KANK1: variants seen among roughly 807,000 people sequenced by gnomAD.
KANK1 encodes the protein KN motif and ankyrin repeat domains 1, also known as KN motif and ankyrin repeat domain-containing protein 1.
A neutral mutation model predicts 106.2 loss-of-function variants in KANK1; 109 were observed. The observed-to-expected ratio is 1.03, with a 90% CI of 0.88 to 1.20. The LOEUF (loss-of-function observed/expected upper bound fraction) is 1.20. KANK1 is among the 50% of genes most tolerant of loss of function. The pLI is 0.00. For missense variants in KANK1, 2,399 were observed against 1,710.7 expected (o/e 1.40, Z -7.10); for synonymous variants, 873 against 652.2 (o/e 1.34, Z -5.16).
intron 1 of KANK1, among the ~76,000 whole-genome samples, chr9:651,324 C>T (rs1462775923): frequency 6.6e-6 from 1 of 152,058 alleles, no homozygotes; most frequent in East Asian, 1.9e-4. Flanking sequence ...TGTTTCATTG[C>T]TTCAAAATTC....
intron 2 of KANK1, among the ~76,000 whole-genome samples, chr9:702,146 C>G (rs529571725): frequency 2.0e-5 from 3 of 152,260 alleles, no homozygotes; most frequent in East Asian, 3.9e-4. Flanking sequence ...TTGGTTACCC[C>G]AAATTGCAGA....
At chr9:596,508 A>C (rs1826250381) in intron 1 of KANK1, among the ~76,000 whole-genome samples, 1 of 151,748 alleles carries the variant, frequency 6.6e-6, no homozygotes, top group African/African-American at 2.4e-5. Context: ...TCACGGAGCC[A>C]GTGATTATTT....
At chr9:601,652 G>C (rs888402644) in intron 1 of KANK1, among the ~76,000 whole-genome samples, 1 of 151,810 alleles carries the variant, frequency 6.6e-6, no homozygotes, top group Non-Finnish European at 1.5e-5. Flanking sequence ...CATTCTGTGG[G>C]TTATAACCCA....
At chr9:668,616 G>T (rs1251746743) in intron 1 of KANK1, among the ~76,000 whole-genome samples, 4 of 151,636 alleles carry the variant, frequency 2.6e-5, no homozygotes, top group South Asian at 4.2e-4. Context: ...ATTTGTTGGG[G>T]TTTTTTTTAG....
chr9:658,435 A>G (rs34137626), intron 1 of KANK1, among the ~76,000 whole-genome samples: 9 of 152,014 alleles, frequency 5.9e-5, no homozygotes, highest in Admixed American at 2.0e-4. Context: ...AAATATATGG[A>G]GCTCTTTCTG....
intron 1 of KANK1, 118 bp from the exon 2 acceptor site, chr9:676,771 CT>C: frequency 2.0e-6 from 1 of 511,706 alleles, no homozygotes; most frequent in Non-Finnish European, 3.5e-6. Context: ...TATAGTCTTT[CT>C]CCCCCCATTC....
chr9:706,213 T>C (rs1349189661), intron 2 of KANK1, among the ~76,000 whole-genome samples: 1 of 152,204 alleles, frequency 6.6e-6, no homozygotes. Context: ...GTAGCCTGGT[T>C]TGAGCAGTAT....
chr9:512,154 T>G (rs2059057486), intron 1 of KANK1, among the ~76,000 whole-genome samples: 1 of 152,172 alleles, frequency 6.6e-6, no homozygotes, highest in African/African-American at 2.4e-5. Flanking sequence ...GCATGGTGGC[T>G]CCAGGTAGTT....
At chr9:575,151 A>G (rs1684441154) in intron 1 of KANK1, among the ~76,000 whole-genome samples, 1 of 152,238 alleles carries the variant, frequency 6.6e-6, no homozygotes, top group African/African-American at 2.4e-5. Flanking sequence ...AAAGCAGTGA[A>G]CAATATTCTC....
intron 1 of KANK1, among the ~76,000 whole-genome samples, chr9:637,494 T>C (rs1046718608): frequency 6.6e-6 from 1 of 152,186 alleles, no homozygotes; most frequent in Non-Finnish European, 1.5e-5. Context: ...TCACTTGGGG[T>C]ACTTAACTCA....
At chr9:566,145 C>T (rs1033979317) in intron 1 of KANK1, among the ~76,000 whole-genome samples, 1 of 152,156 alleles carries the variant, frequency 6.6e-6, no homozygotes, top group Non-Finnish European at 1.5e-5. Context: ...CGTTAGTTTG[C>T]TGTGGGTGAT....
chr9:640,338 C>T (rs775771383), intron 1 of KANK1, among the ~76,000 whole-genome samples: 17 of 151,976 alleles, frequency 1.1e-4, no homozygotes, highest in East Asian at 9.7e-4. Context: ...TGGGTTCAGG[C>T]GATTCTCCTG....
At chr9:517,698 C>G (rs2059348617) in intron 1 of KANK1, among the ~76,000 whole-genome samples, 1 of 149,692 alleles carries the variant, frequency 6.7e-6, no homozygotes, top group Non-Finnish European at 1.5e-5. Context: ...CGGTGGGTCA[C>G]CTTTTGAGGT....
intron 3 of KANK1, among the ~76,000 whole-genome samples, chr9:720,947 G>C (rs1462259199): frequency 1.3e-5 from 2 of 152,190 alleles, no homozygotes; most frequent in Non-Finnish European, 2.9e-5. Context: ...TGAAACTAGA[G>C]GGGAGTCTAA....
At chr9:621,854 C>T (rs368033532) in intron 1 of KANK1, among the ~76,000 whole-genome samples, 34 of 152,196 alleles carry the variant, frequency 2.2e-4, no homozygotes, top group East Asian at 1.5e-3. Context: ...TTGCCCTCGC[C>T]GGTGGAAGGG....
chr9:617,928 A>T (rs1041514669), intron 1 of KANK1, among the ~76,000 whole-genome samples: 5 of 152,170 alleles, frequency 3.3e-5, no homozygotes, highest in African/African-American at 1.2e-4. Flanking sequence ...GGAGGATGAC[A>T]TGAATCCTGA....
At chr9:546,740 A>T (rs2133974717) in intron 1 of KANK1, among the ~76,000 whole-genome samples, 1 of 149,826 alleles carries the variant, frequency 6.7e-6, no homozygotes, top group East Asian at 2.0e-4. Context: ...GGCACACTGT[A>T]AAACATCTGT....
chr9:708,456 C>G (rs1187276774), intron 2 of KANK1, among the ~76,000 whole-genome samples: 5 of 152,238 alleles, frequency 3.3e-5, no homozygotes, highest in African/African-American at 1.2e-4. Context: ...CTGCTGGGCA[C>G]TTCTTTCACA....
At chr9:596,126 G>A (rs980163536) in intron 1 of KANK1, among the ~76,000 whole-genome samples, 5 of 151,764 alleles carry the variant, frequency 3.3e-5, no homozygotes, top group Admixed American at 6.6e-5. Context: ...AGTTTTGACC[G>A]CATTTTGGCT....
Sources: allele counts gnomAD v4.1 joint callset (sites outside exome capture counted in the v4.1 genomes callset), GRCh38; gene constraint gnomAD v4.1.1; transcripts MANE v1.5; gene names NCBI Gene and HGNC (gene_info 2026-07-23, HGNC 2026-07-21).